The following B3GLCT variants were observed in gnomAD, a reference collection of about 807,000 sequenced individuals.
B3GLCT encodes beta 3-glucosyltransferase.
B3GLCT carries 65 observed loss-of-function variants against 63.4 expected under a neutral mutation model. That is an observed-to-expected ratio of 1.03 (90% CI 0.84 to 1.26). The LOEUF is 1.26. B3GLCT is among the 50% of genes most tolerant of loss of function. The probability of loss-of-function intolerance (pLI) is 0.00; values close to 1 mark genes in which losing one functional copy is unlikely to be tolerated. For missense variants in B3GLCT, 577 were observed against 604.8 expected, an observed-to-expected ratio of 0.95 and a Z score of 0.48; for synonymous variants, 233 against 219.2, an observed-to-expected ratio of 1.06 and a Z score of -0.55.
intron 6 of B3GLCT, among the ~76,000 whole-genome samples, chr13:31,256,219 A>G (rs545633742): frequency 2.0e-4 from 30 of 152,376 alleles, no homozygotes; most frequent in African/African-American, 5.8e-4. Context: ...ATGCAAATCA[A>G]AATTACAATG....
At chr13:31,242,075 G>A (rs1285532358) in intron 4 of B3GLCT, among the ~76,000 whole-genome samples, 5 of 152,116 alleles carry the variant, frequency 3.3e-5, no homozygotes, top group East Asian at 3.9e-4. Context: ...TATTCTTGCC[G>A]TTTTGCAGAG....
At chr13:31,289,100 A>G (rs895644566) in intron 12 of B3GLCT, among the ~76,000 whole-genome samples, 1 of 152,050 alleles carries the variant, frequency 6.6e-6, no homozygotes, top group African/African-American at 2.4e-5. Context: ...AAGGAAATAC[A>G]AAATACATTT....
At chr13:31,201,622 G>A (rs2137723529) in intron 1 of B3GLCT, among the ~76,000 whole-genome samples, 1 of 152,270 alleles carries the variant, frequency 6.6e-6, no homozygotes, top group African/African-American at 2.4e-5. Flanking sequence ...ATGGGTGGGT[G>A]GTAGCTGAAA....
At chr13:31,204,698 G>A (rs1017388534) in intron 1 of B3GLCT, among the ~76,000 whole-genome samples, 1 of 152,120 alleles carries the variant, frequency 6.6e-6, no homozygotes, top group African/African-American at 2.4e-5. Flanking sequence ...AACTCACTCT[G>A]GCTGTCTGAT....
At chr13:31,263,684 G>A (rs1872153154) in intron 7 of B3GLCT, among the ~76,000 whole-genome samples, 1 of 150,478 alleles carries the variant, frequency 6.6e-6, no homozygotes. Context: ...GGATTATCTG[G>A]CATTTTGCAA....
At chr13:31,294,640 T>C (rs1212005297) in intron 12 of B3GLCT, among the ~76,000 whole-genome samples, 1 of 152,236 alleles carries the variant, frequency 6.6e-6, no homozygotes, top group Non-Finnish European at 1.5e-5. Flanking sequence ...GTTCTCATGC[T>C]GTGTTTTTCA....
intron 12 of B3GLCT, among the ~76,000 whole-genome samples, chr13:31,314,672 T>C (rs1360574656): frequency 6.6e-6 from 1 of 152,248 alleles, no homozygotes; most frequent in East Asian, 1.9e-4. Flanking sequence ...CACTGGACTA[T>C]GGACTTTTGA....
chr13:31,244,454 T>C (rs778822827), intron 4 of B3GLCT, among the ~76,000 whole-genome samples: 12 of 152,160 alleles, frequency 7.9e-5, no homozygotes, highest in Non-Finnish European at 1.5e-4. Flanking sequence ...ATTGCGCCAT[T>C]GCACTACAGC....
chr13:31,213,257 G>T (rs1869370459), intron 1 of B3GLCT, among the ~76,000 whole-genome samples: 1 of 152,184 alleles, frequency 6.6e-6, no homozygotes, highest in Non-Finnish European at 1.5e-5. Flanking sequence ...TTTCTTCTAT[G>T]TGCTAGCTGT....
At chr13:31,253,592 T>A (rs1871549515) in intron 6 of B3GLCT, among the ~76,000 whole-genome samples, 2 of 14,126 alleles carry the variant, frequency 1.4e-4, no homozygotes, top group African/African-American at 3.7e-4. Flanking sequence ...TGAGACTCCA[T>A]CTCAAAAAAA....
At chr13:31,221,044 G>C (rs1333546514) in intron 2 of B3GLCT, among the ~76,000 whole-genome samples, 1 of 152,200 alleles carries the variant, frequency 6.6e-6, no homozygotes, top group Non-Finnish European at 1.5e-5. Context: ...GGCGGTGTGA[G>C]GAAGAGCATT....
At chr13:31,208,617 T>TG (rs1869097339) in intron 1 of B3GLCT, among the ~76,000 whole-genome samples, 3 of 73,340 alleles carry the variant, frequency 4.1e-5, no homozygotes, top group Admixed American at 1.3e-4. Context: ...GCTTCTTTAG[T>TG]GGCCCCCCCC....
chr13:31,204,155 C>A (rs1333093834), intron 1 of B3GLCT, among the ~76,000 whole-genome samples: 1 of 152,168 alleles, frequency 6.6e-6, no homozygotes, highest in Non-Finnish European at 1.5e-5. Flanking sequence ...TGAGAACATG[C>A]TGCAGGGAGA....
chr13:31,226,984 G>T (rs559282900), intron 3 of B3GLCT, among the ~76,000 whole-genome samples: 1 of 152,152 alleles, frequency 6.6e-6, no homozygotes. Flanking sequence ...CATGCTATGT[G>T]TGTATATGTT....
chr13:31,319,140 A>C (rs1875201925), intron 13 of B3GLCT, among the ~76,000 whole-genome samples: 1 of 152,138 alleles, frequency 6.6e-6, no homozygotes, highest in South Asian at 2.1e-4. Flanking sequence ...CAGATTTGCA[A>C]ATACATTGCA....
intron 4 of B3GLCT, 54 bp downstream of exon 4, chr13:31,229,348 ATGT>A: frequency 9.4e-7 from 1 of 1,067,404 alleles, no homozygotes; most frequent in Admixed American, 1.7e-5. Flanking sequence ...GATTACCTTG[ATGT>A]TTTCCAAAAC....
chr13:31,256,326 G>C (rs776269423), intron 6 of B3GLCT, among the ~76,000 whole-genome samples: 2 of 152,186 alleles, frequency 1.3e-5, no homozygotes, highest in Non-Finnish European at 2.9e-5. Context: ...TTACACTGTT[G>C]GTGGGAGTGT....
At chr13:31,282,649 CAA>C (rs11333268) in intron 10 of B3GLCT, among the ~76,000 whole-genome samples, 88 of 130,072 alleles carry the variant, frequency 6.8e-4, no homozygotes, top group African/African-American at 8.9e-4. Context: ...GACTCTGTCT[CAA>C]AAAAAAAAAA....
intron 1 of B3GLCT, among the ~76,000 whole-genome samples, chr13:31,200,772 G>C (rs1448201532): frequency 6.6e-6 from 1 of 152,072 alleles, no homozygotes; most frequent in African/African-American, 2.4e-5. Flanking sequence ...CTCGGCGCCA[G>C]CCCTTCCCGG....
Sources: gnomAD v4.1 joint callset for allele counts (sites outside exome capture counted in the v4.1 genomes callset) on GRCh38, gnomAD v4.1.1 for gene constraint, MANE v1.5 for transcripts, NCBI Gene and HGNC (gene_info 2026-07-23, HGNC 2026-07-21) for gene names.